SNX29: variants seen among roughly 807,000 people sequenced by gnomAD.
SNX29 encodes sorting nexin-29.
In SNX29, 78 loss-of-function variants were observed where a neutral mutation model predicts 102.1. The observed-to-expected ratio is 0.76, with a 90% CI of 0.64 to 0.92. The LOEUF (loss-of-function observed/expected upper bound fraction) is 0.92. SNX29 is among the 40% of genes least tolerant of loss of function. SNX29 has a pLI of 0.00. For synonymous variants in SNX29, 580 were observed against 414.5 expected (o/e 1.40, Z -4.85); for missense variants, 1,280 against 1,061.7 (o/e 1.21, Z -2.86).
At chr16:12,282,880 C>T (rs1281036900) in intron 15 of SNX29, among the ~76,000 whole-genome samples, 2 of 152,148 alleles carry the variant, frequency 1.3e-5, no homozygotes, top group Admixed American at 6.5e-5. Flanking sequence ...TGGTCTCGAA[C>T]ACCTAACCTT....
At chr16:12,428,301 G>C (rs1272405517) in intron 18 of SNX29, among the ~76,000 whole-genome samples, 2 of 152,136 alleles carry the variant, frequency 1.3e-5, no homozygotes, top group African/African-American at 2.4e-5. Context: ...TTGGACATTG[G>C]AATGGCTTGA....
At chr16:12,249,707 C>T (rs1455387809) in intron 14 of SNX29, among the ~76,000 whole-genome samples, 1 of 152,172 alleles carries the variant, frequency 6.6e-6, no homozygotes, top group East Asian at 1.9e-4. Context: ...GAGTATTTCA[C>T]AGGGAGATCA....
At chr16:12,323,541 A>G (rs998836471) in intron 15 of SNX29, among the ~76,000 whole-genome samples, 2 of 151,984 alleles carry the variant, frequency 1.3e-5, no homozygotes, top group Admixed American at 6.5e-5. Flanking sequence ...AATGGTGAAC[A>G]AAGGTTAGCA....
intron 18 of SNX29, among the ~76,000 whole-genome samples, chr16:12,458,829 A>G (rs1567584460): frequency 6.6e-6 from 1 of 152,076 alleles, no homozygotes; most frequent in African/African-American, 2.4e-5. Flanking sequence ...CAGAGTGAGC[A>G]CTCACACAGG....
Position 12,571,768 on chromosome 16 carries a change from C to T in SNX29, c.*3139C>T. On this transcript the variant is annotated 3_prime_UTR_variant, in exon 21 of 21. Coordinates refer to ENST00000566228, the MANE Select transcript of SNX29 (RefSeq NM_032167.5). ...CCAACCATCCACTCCTGATCTGAGA[C>T]AGAACCTTCTCCGCCACTCTTCCTG... The T allele has an allele frequency of 3.0e-6, 3 of 1,009,604 alleles. No individual in the cohort carries two copies. Among genetic ancestry groups the T allele is most frequent in the Non-Finnish European group, 3.6e-6 (3 of 829,518 alleles). The allele number at this position is 1,009,604 out of a possible 1,614,324, so 62.5% of individuals were successfully genotyped here.
intron 15 of SNX29, among the ~76,000 whole-genome samples, chr16:12,316,957 C>T (rs2080764694): frequency 6.6e-6 from 1 of 152,228 alleles, no homozygotes; most frequent in Non-Finnish European, 1.5e-5. Flanking sequence ...ACAGTGGTGG[C>T]TAGGGCAGGA....
At chr16:12,231,818 G>A (rs2077778896) in intron 14 of SNX29, among the ~76,000 whole-genome samples, 1 of 152,140 alleles carries the variant, frequency 6.6e-6, no homozygotes, top group Non-Finnish European at 1.5e-5. Flanking sequence ...AACTCCAGTA[G>A]GCAAAAACCT....
chr16:12,568,861 C>T lies in SNX29; in HGVS notation c.*232C>T. 3 of 624,946 alleles carry T rather than the reference C, an allele frequency of 4.8e-6. No homozygotes were observed. Among genetic ancestry groups the T allele is most frequent in the Non-Finnish European group, 8.0e-6 (3 of 375,266 alleles). 38.7% of individuals were successfully genotyped at this position (624,946 alleles called of 1,614,324 possible). ...ACCTCGCTGGAGAGACTGGGACACA[C>T]AGTCCTTCTGCTTCTGGGGTCTACC... On this transcript the variant is annotated 3_prime_UTR_variant, in exon 21 of 21. Transcript: ENST00000566228.
Position 12,194,064 on chromosome 16 carries a change from A to G in SNX29, c.1596-5537A>G, listed in dbSNP as rs553608144. On this transcript the variant is annotated intron_variant, in intron 13 of 20. Transcript: ENST00000566228. Reference sequence around the variant, plus strand: ...TTTTGATTGGGCTTTCATTAAATTTATAGATCAATTTTGGGGAAATTGACA... The same window carrying G: ...TTTTGATTGGGCTTTCATTAAATTTGTAGATCAATTTTGGGGAAATTGACA... Among the ~76,000 whole-genome samples the G allele has an allele frequency of 4.6e-5, 7 of 152,342 alleles. 1 individual carries two copies. The highest frequency in any genetic ancestry group is 3.4e-3 in the Middle Eastern group (1 of 294).
intron 6 of SNX29, among the ~76,000 whole-genome samples, chr16:12,046,931 C>G (rs1021053278): frequency 1.3e-5 from 2 of 152,088 alleles, no homozygotes; most frequent in African/African-American, 4.8e-5. Flanking sequence ...AGTGTTGGGT[C>G]CATTTATCTA....
intron 15 of SNX29, among the ~76,000 whole-genome samples, chr16:12,331,577 G>T (rs188378574): frequency 6.6e-6 from 1 of 151,960 alleles, no homozygotes; most frequent in African/African-American, 2.4e-5. Context: ...TTGAGATGAA[G>T]TCTCACTCTG....
intron 5 of SNX29, among the ~76,000 whole-genome samples, chr16:12,045,763 A>G (rs2050063011): frequency 6.6e-6 from 1 of 151,832 alleles, no homozygotes; most frequent in South Asian, 2.1e-4. Flanking sequence ...AGCTGGGATT[A>G]CAAGCGCCTG....
At chr16:12,475,485 C>T (rs2087548822) in intron 18 of SNX29, among the ~76,000 whole-genome samples, 2 of 152,176 alleles carry the variant, frequency 1.3e-5, no homozygotes, top group African/African-American at 4.8e-5. Context: ...TGTACAGAAG[C>T]TCCTTGACTT....
intron 20 of SNX29, chr16:12,560,935 G>A (rs1317867189): frequency 1.5e-5 from 3 of 205,930 alleles, no homozygotes; most frequent in South Asian, 3.8e-4. Context: ...TCGTGGTGTT[G>A]GGATCCGGAG....
intron 3 of SNX29, among the ~76,000 whole-genome samples, chr16:12,023,673 A>G (rs573574934): frequency 7.2e-5 from 11 of 152,250 alleles, no homozygotes; most frequent in African/African-American, 2.6e-4. Flanking sequence ...ACTGCTTCCC[A>G]TATAAGATGG....
At chr16:12,485,785 C>G (rs1567612814) in intron 19 of SNX29, among the ~76,000 whole-genome samples, 2 of 152,126 alleles carry the variant, frequency 1.3e-5, no homozygotes, top group Non-Finnish European at 2.9e-5. Context: ...TCCTCAGGAG[C>G]TATATGAGCT....
intron 20 of SNX29, among the ~76,000 whole-genome samples, chr16:12,525,431 G>T (rs543155367): frequency 2.0e-5 from 3 of 152,330 alleles, no homozygotes; most frequent in Non-Finnish European, 4.4e-5. Flanking sequence ...CCAGCACTCT[G>T]GGAGGCTGAG....
intron 14 of SNX29, among the ~76,000 whole-genome samples, chr16:12,227,493 T>G (rs753867935): frequency 2.0e-5 from 3 of 152,218 alleles, no homozygotes; most frequent in Non-Finnish European, 4.4e-5. Flanking sequence ...CCAACTCAAT[T>G]CTGTCAACAT....
chr16:12,456,398 C>T (rs1012603194), intron 18 of SNX29, among the ~76,000 whole-genome samples: 3 of 152,066 alleles, frequency 2.0e-5, no homozygotes, highest in African/African-American at 7.2e-5. Context: ...AAAAACTAGG[C>T]AAGATAATTG....
Sources: gnomAD v4.1 joint callset for allele counts (sites outside exome capture counted in the v4.1 genomes callset) on GRCh38, gnomAD v4.1.1 for gene constraint, MANE v1.5 for transcripts, NCBI Gene and HGNC (gene_info 2026-07-23, HGNC 2026-07-21) for gene names.